The following LPXN variants were observed in gnomAD, a reference collection of about 807,000 sequenced individuals.
LPXN encodes the protein leupaxin.
LPXN carries 28 observed loss-of-function variants against 45.6 expected under a neutral mutation model. The ratio of observed to expected loss-of-function variants is 0.61; its 90% CI spans 0.45 to 0.84. The LOEUF (loss-of-function observed/expected upper bound fraction) is 0.84, where lower values mean the gene tolerates loss of function less well. LPXN is among the 40% of genes least tolerant of loss of function. The pLI, the probability that LPXN is intolerant of heterozygous loss-of-function variation, is 0.00. For synonymous variants in LPXN, 166 were observed against 169.9 expected, an observed-to-expected ratio of 0.98 and a Z score of 0.18; for missense variants, 459 against 475.0, an observed-to-expected ratio of 0.97 and a Z score of 0.31.
At chr11:58,543,111 T>G (rs1013208305) in intron 7 of LPXN, among the ~76,000 whole-genome samples, 1 of 152,160 alleles carries the variant, frequency 6.6e-6, no homozygotes, top group Non-Finnish European at 1.5e-5. Flanking sequence ...TCACTCTCTC[T>G]CTCGCCATGC....
chr11:58,533,178 G>A (rs1334312713), intron 7 of LPXN, among the ~76,000 whole-genome samples: 2 of 152,176 alleles, frequency 1.3e-5, no homozygotes, highest in African/African-American at 4.8e-5. Context: ...AACACTCACC[G>A]CAAGGGTCCG....
chr11:58,573,733 G>C (rs191114892), intron 1 of LPXN, among the ~76,000 whole-genome samples: 1 of 152,076 alleles, frequency 6.6e-6, no homozygotes, highest in Admixed American at 6.5e-5. Flanking sequence ...TGGGGGCGGG[G>C]GAAGTGGGGA....
At chr11:58,532,883 T>G (rs1314970966) in intron 7 of LPXN, among the ~76,000 whole-genome samples, 1 of 152,198 alleles carries the variant, frequency 6.6e-6, no homozygotes, top group Non-Finnish European at 1.5e-5. Flanking sequence ...GCTCACTCTT[T>G]GGGTCCGCAC....
At chr11:58,551,498 A>T (rs1458572491) in intron 4 of LPXN, among the ~76,000 whole-genome samples, 1 of 152,224 alleles carries the variant, frequency 6.6e-6, no homozygotes, top group African/African-American at 2.4e-5. Flanking sequence ...GTACATGAAG[A>T]TGATACCCTT....
intron 1 of LPXN, among the ~76,000 whole-genome samples, chr11:58,573,536 C>T (rs1051722449): frequency 1.3e-5 from 2 of 152,126 alleles, no homozygotes; most frequent in East Asian, 1.9e-4. Context: ...GGAAGTTGCC[C>T]TCAGAAGCAC....
At chr11:58,577,992 G>C (rs1854957631), upstream of LPXN, 10 of 1,549,950 alleles carry the variant, frequency 6.5e-6, no homozygotes, top group Non-Finnish European at 5.2e-6. Flanking sequence ...TGACCTCTAG[G>C]AGCTCACAGG....
intron 7 of LPXN, among the ~76,000 whole-genome samples, chr11:58,534,652 A>C (rs777492851): frequency 1.3e-5 from 2 of 152,222 alleles, no homozygotes; most frequent in Non-Finnish European, 2.9e-5. Flanking sequence ...AGCTATCAGG[A>C]GACAAGAAAT....
chr11:58,566,714 T>C (rs1854537426), intron 2 of LPXN, among the ~76,000 whole-genome samples: 1 of 152,230 alleles, frequency 6.6e-6, no homozygotes, highest in Non-Finnish European at 1.5e-5. Flanking sequence ...GCAAGCCTTA[T>C]TTTACATAAT....
At chr11:58,551,281 C>A in intron 4 of LPXN, 49 bp from the exon 5 acceptor site, 1 of 1,496,462 alleles carries the variant, frequency 6.7e-7, no homozygotes, top group South Asian at 1.3e-5. Flanking sequence ...TTTTTATTCT[C>A]ATTGGCATCT....
intron 7 of LPXN, among the ~76,000 whole-genome samples, chr11:58,541,111 T>C (rs1337013231): frequency 6.6e-6 from 1 of 152,128 alleles, no homozygotes. Context: ...GGCATTACCA[T>C]TCAGGACACA....
intron 7 of LPXN, among the ~76,000 whole-genome samples, chr11:58,533,506 G>A (rs1375669441): frequency 6.6e-6 from 1 of 152,068 alleles, no homozygotes; most frequent in Admixed American, 6.6e-5. Context: ...TGCCTTACAA[G>A]AGCTCCTGAA....
upstream of LPXN, among the ~76,000 whole-genome samples, chr11:58,576,353 T>G (rs1042627113): frequency 5.3e-5 from 8 of 152,184 alleles, no homozygotes; most frequent in African/African-American, 1.9e-4. Flanking sequence ...AGTGGATTCA[T>G]GCTTGGATTC....
At chr11:58,576,998 C>T (rs1337701210), upstream of LPXN, among the ~76,000 whole-genome samples, 1 of 152,086 alleles carries the variant, frequency 6.6e-6, no homozygotes, top group African/African-American at 2.4e-5. Context: ...CCCTATGTTG[C>T]CCAGGCTGGT....
At chr11:58,576,632 T>C (rs879766438), upstream of LPXN, among the ~76,000 whole-genome samples, 20 of 152,234 alleles carry the variant, frequency 1.3e-4, no homozygotes, top group Non-Finnish European at 2.5e-4. Context: ...ACTATAATTA[T>C]GGCCCTGTGA....
rs1854043912 is a variant in LPXN at position 58,551,243 on chromosome 11, G to C, written c.319-11C>G. On this transcript the variant is annotated splice_polypyrimidine_tract_variant and intron_variant, in intron 4 of 8. Coordinates refer to ENST00000395074, the MANE Select transcript of LPXN (RefSeq NM_004811.3). ...TGCTCTCACTGCAACCTGGCCCAAGGGAAGAACCAAGAACAGAATCAGCCT... is the reference window on the plus strand; with the variant it reads ...TGCTCTCACTGCAACCTGGCCCAAGCGAAGAACCAAGAACAGAATCAGCCT... 2 of 1,591,302 alleles carry C rather than the reference G, an allele frequency of 1.3e-6. No homozygotes were observed. Among genetic ancestry groups the C allele is most frequent in the Non-Finnish European group, 1.7e-6 (2 of 1,170,354 alleles).
chr11:58,572,700 T>C (rs1854745563), intron 1 of LPXN, among the ~76,000 whole-genome samples: 1 of 152,140 alleles, frequency 6.6e-6, no homozygotes, highest in South Asian at 2.1e-4. Flanking sequence ...GTTATGGCAA[T>C]GGCATTACAG....
rs1590555558 is a variant in LPXN, at chr11:58,551,215, A to G, written c.336T>C (p.Asp112=). The G allele has an allele frequency of 6.2e-7, 1 of 1,608,334 alleles. No homozygotes were observed. The highest frequency in any genetic ancestry group is 1.3e-5 in the African/African-American group (1 of 74,824). The stretch of plus-strand genomic sequence containing the variant: ...TGTCTGGTAAGTGCTTCTTGCCAGC[A>G]TCTGCTCTCACTGCAACCTGGCCCA... The part of the protein sequence containing the change: ...EMQAKVAVRA[D]AGKKHLPDKQ... The change falls in exon 5 of 9, where the codon GAT becomes GAC. Residue 112 remains aspartate (D), a synonymous_variant. Coordinates refer to ENST00000395074, the MANE Select transcript of LPXN (RefSeq NM_004811.3).
chr11:58,556,461 T>C (rs1854207105), intron 3 of LPXN, among the ~76,000 whole-genome samples: 1 of 152,098 alleles, frequency 6.6e-6, no homozygotes, highest in Non-Finnish European at 1.5e-5. Flanking sequence ...AAGTTGGACA[T>C]AGATCCTATT....
At chr11:58,562,925 G>C (rs1184874194) in intron 3 of LPXN, among the ~76,000 whole-genome samples, 1 of 152,178 alleles carries the variant, frequency 6.6e-6, no homozygotes, top group African/African-American at 2.4e-5. Flanking sequence ...GAAAACCCAA[G>C]GGGTCAGCTC....
Sources: gnomAD v4.1 joint callset for allele counts (sites outside exome capture counted in the v4.1 genomes callset) on GRCh38, gnomAD v4.1.1 for gene constraint, MANE v1.5 for transcripts, NCBI Gene and HGNC (gene_info 2026-07-23, HGNC 2026-07-21) for gene names.